Variants in LIFR observed in about 807,000 individuals in gnomAD.
LIFR encodes the protein leukemia inhibitory factor receptor.
LIFR carries 84 observed loss-of-function variants against 122.2 expected under a neutral mutation model. The observed-to-expected ratio is 0.69, with a 90% CI of 0.58 to 0.82. The LOEUF (loss-of-function observed/expected upper bound fraction) is 0.82, where lower values mean the gene tolerates loss of function less well. Among genes scored for constraint, LIFR ranks in the 40% least tolerant of loss-of-function variants. LIFR has a pLI of 0.00. For synonymous variants in LIFR, 422 were observed against 434.7 expected (o/e 0.97, Z 0.36); for missense variants, 1,294 against 1,311.6 (o/e 0.99, Z 0.21).
intron 11 of LIFR, 37 bp downstream of exon 11, chr5:38,502,600 C>A (rs755070676): frequency 1.3e-6 from 2 of 1,527,794 alleles, no homozygotes; most frequent in Non-Finnish European, 1.8e-6. Flanking sequence ...TCAGAATACA[C>A]AGTAATTATT....
chr5:38,582,286 C>A (rs907823340), intron 1 of LIFR, among the ~76,000 whole-genome samples: 1 of 152,056 alleles, frequency 6.6e-6, no homozygotes, highest in Non-Finnish European at 1.5e-5. Context: ...ATAAATCAGG[C>A]AGTTTGTTGC....
chr5:38,482,709 G>T (rs769263372), intron 18 of LIFR, 42 bp from the exon 19 acceptor site: 30 of 801,500 alleles, frequency 3.7e-5, no homozygotes, highest in Middle Eastern at 3.7e-4. Context: ...ATAGTTTTAA[G>T]ATTATTAGAT....
intron 1 of LIFR, among the ~76,000 whole-genome samples, chr5:38,566,882 C>G (rs1369636435): frequency 6.6e-6 from 1 of 152,100 alleles, no homozygotes; most frequent in Admixed American, 6.6e-5. Flanking sequence ...GAAGAAAATC[C>G]TTGATTTGTA....
At chr5:38,604,708 AAAAC>A (rs1229863763) in intron 2 of LIFR, among the ~76,000 whole-genome samples, 1 of 152,084 alleles carries the variant, frequency 6.6e-6, no homozygotes, top group Non-Finnish European at 1.5e-5. Flanking sequence ...CTCAAAAAAA[AAAAC>A]AAAACAAAAA....
At chr5:38,505,828 C>T in intron 9 of LIFR, 77 bp downstream of exon 9, 1 of 808,416 alleles carries the variant, frequency 1.2e-6, no homozygotes, top group African/African-American at 1.8e-5. Flanking sequence ...AAAAAGTAAT[C>T]CCTATAAGCA....
At chr5:38,492,075 C>T (rs1561138815) in intron 14 of LIFR, among the ~76,000 whole-genome samples, 1 of 152,292 alleles carries the variant, frequency 6.6e-6, no homozygotes, top group East Asian at 1.9e-4. Flanking sequence ...GGTGTGCCTA[C>T]TATGTGCCAC....
rs770022153 is a variant in LIFR at position 38,482,002 on chromosome 5, C to T, written c.2887G>A (p.Ala963Thr). The change falls in exon 20 of 20, where the codon GCA becomes ACA. Residue 963 changes from alanine to threonine, a missense_variant. Physicochemically the swap from Ala to Thr is moderately conservative, Grantham distance 58. Transcript: ENST00000453190. ...IIEEEIPNPA[A>T]DEAGGTAQVI... ...TGTGCAGTCCCTCCAGCTTCATCTG[C>T]GGCTGGGTTTGGTATTTCTTCCTCA... 8.1e-6 allele frequency: 13 copies of T among 1,614,004 alleles called. No individual in the cohort carries two copies. In the African/African-American group the frequency reaches 9.3e-5, roughly 12 times the overall value.
chr5:38,540,372 C>T (rs1747526194), intron 1 of LIFR, among the ~76,000 whole-genome samples: 2 of 152,206 alleles, frequency 1.3e-5, no homozygotes, highest in South Asian at 4.1e-4. Flanking sequence ...CTGGGGGAAA[C>T]ACCACCTGCT....
intron 1 of LIFR, among the ~76,000 whole-genome samples, chr5:38,568,129 C>T (rs960478543): frequency 1.3e-5 from 2 of 152,172 alleles, no homozygotes; most frequent in Admixed American, 1.3e-4. Context: ...AAAGTTCTTG[C>T]CTTCATGGAG....
chr5:38,575,969 G>C (rs1749370551), intron 1 of LIFR, among the ~76,000 whole-genome samples: 1 of 152,132 alleles, frequency 6.6e-6, no homozygotes, highest in South Asian at 2.1e-4. Context: ...CACTGGTTTT[G>C]CATTTTGTTT....
At chr5:38,517,184 T>C (rs1043324402) in intron 5 of LIFR, among the ~76,000 whole-genome samples, 6 of 151,864 alleles carry the variant, frequency 4.0e-5, no homozygotes, top group African/African-American at 1.5e-4. Flanking sequence ...TGTACATGTA[T>C]CCCAGAATTT....
chr5:38,572,156 AG>A (rs1307750082), intron 1 of LIFR, among the ~76,000 whole-genome samples: 1 of 152,228 alleles, frequency 6.6e-6, no homozygotes, highest in Non-Finnish European at 1.5e-5. Context: ...TAATTTATAA[AG>A]AAAAGAGGCT....
intron 9 of LIFR, among the ~76,000 whole-genome samples, chr5:38,504,445 A>G (rs1210315288): frequency 6.6e-6 from 1 of 151,768 alleles, no homozygotes; most frequent in Admixed American, 6.6e-5. Context: ...AAAAAGAAAG[A>G]AAGGTAATTA....
At chr5:38,485,794 A>C (rs754441302) in intron 17 of LIFR, 25 bp downstream of exon 17, 1 of 1,613,612 alleles carries the variant, frequency 6.2e-7, no homozygotes, top group Non-Finnish European at 8.5e-7. Flanking sequence ...GATGGAAAGC[A>C]CCTCAACAGC....
chr5:38,502,815 T>C lies in LIFR; in HGVS notation c.1438-16A>G, dbSNP rs1468090768. ...TGACATTCCGCTATTGGAAAACAAATAAATATATATATATGTATATATTAT... is the reference window on the plus strand; with the variant it reads ...TGACATTCCGCTATTGGAAAACAAACAAATATATATATATGTATATATTAT... On this transcript the variant is annotated splice_polypyrimidine_tract_variant and intron_variant, in intron 10 of 19. Coordinates refer to ENST00000453190, the MANE Select transcript of LIFR (RefSeq NM_001127671.2). 3 of 1,343,962 alleles carry C rather than the reference T, an allele frequency of 2.2e-6. No homozygotes were observed. The highest frequency in any genetic ancestry group is 5.1e-5 in the East Asian group (2 of 39,536). The allele number at this position is 1,343,962 out of a possible 1,614,324, so 83.3% of individuals were successfully genotyped here.
At chr5:38,544,742 A>G (rs556384572) in intron 1 of LIFR, among the ~76,000 whole-genome samples, 1 of 152,312 alleles carries the variant, frequency 6.6e-6, no homozygotes, top group South Asian at 2.1e-4. Flanking sequence ...ATGAGTATCC[A>G]GTACTGAATA....
chr5:38,608,153 A>G (rs983537654), exon 1 of LIFR: 1 of 152,172 alleles, frequency 6.6e-6, no homozygotes, highest in African/African-American at 2.4e-5. Context: ...GCAACTCACC[A>G]CAAGAATCTC....
chr5:38,514,222 G>A (rs1745956463), intron 5 of LIFR, among the ~76,000 whole-genome samples: 1 of 152,118 alleles, frequency 6.6e-6, no homozygotes, highest in Non-Finnish European at 1.5e-5. Flanking sequence ...CAAAAAAAAG[G>A]AGAAGACAGA....
intron 11 of LIFR, 77 bp downstream of exon 11, chr5:38,502,560 A>G: frequency 7.7e-7 from 1 of 1,300,404 alleles, no homozygotes; most frequent in East Asian, 2.3e-5. Context: ...CACCCGGCCA[A>G]CATCTTCTTT....
Sources: gnomAD v4.1 joint callset for allele counts (sites outside exome capture counted in the v4.1 genomes callset) on GRCh38, gnomAD v4.1.1 for gene constraint, MANE v1.5 for transcripts, NCBI Gene and HGNC (gene_info 2026-07-23, HGNC 2026-07-21) for gene names.